The following CSMD3 variants were observed in gnomAD, a reference collection of about 807,000 sequenced individuals.
The protein encoded by CSMD3 is CUB and sushi domain-containing protein 3.
In CSMD3, 177 loss-of-function variants were observed where a neutral mutation model predicts 435.2. That is an observed-to-expected ratio of 0.41 (90% CI 0.36 to 0.46). The LOEUF is 0.46. Ranked by LOEUF, CSMD3 falls within the 20% of genes least tolerant of loss-of-function variation. CSMD3 has a pLI of 0.34. For synonymous variants in CSMD3, 1,656 were observed against 1,520.5 expected, an observed-to-expected ratio of 1.09 and a Z score of -2.07; for missense variants, 4,265 against 4,504.6, an observed-to-expected ratio of 0.95 and a Z score of 1.52.
At chr8:113,396,951 G>A (rs2094486266) in intron 1 of CSMD3, among the ~76,000 whole-genome samples, 1 of 152,038 alleles carries the variant, frequency 6.6e-6, no homozygotes, top group South Asian at 2.1e-4. Context: ...ACATAGAACA[G>A]TACCTGACAC....
At chr8:112,274,447 G>C (rs1817837265) in intron 59 of CSMD3, among the ~76,000 whole-genome samples, 2 of 152,104 alleles carry the variant, frequency 1.3e-5, no homozygotes, top group South Asian at 4.1e-4. Context: ...AACTATGCAG[G>C]TAGAGTTTAT....
Position 112,689,152 on chromosome 8 carries a change from T to C in CSMD3, c.2155+716A>G, listed in dbSNP as rs374027058. On this transcript the variant is annotated intron_variant, in intron 14 of 70. Transcript: ENST00000297405. ...GACTGTGAAGGGGACGTATGCACTTTTCCTCTTCTAGACTTCCTGAAGAGC... is the reference window on the plus strand; with the variant it reads ...GACTGTGAAGGGGACGTATGCACTTCTCCTCTTCTAGACTTCCTGAAGAGC... Among the ~76,000 whole-genome samples the C allele has an allele frequency of 7.2e-5, 11 of 152,188 alleles. No homozygotes were observed. The East Asian group carries it at 2.1e-3, about 29-fold the overall frequency.
rs552730198 is a variant in CSMD3, at chr8:112,394,473, G to A, written c.5810-3685C>T. On this transcript the variant is annotated intron_variant, in intron 35 of 70. Transcript: ENST00000297405. Reference sequence around the variant, plus strand: ...GTTAGGAAAATTTCAAACTCACCGTGGTCTTCAAGGATCCATGTGACTTGG... The same window carrying A: ...GTTAGGAAAATTTCAAACTCACCGTAGTCTTCAAGGATCCATGTGACTTGG... 1.2e-4 allele frequency among the ~76,000 whole-genome samples: 19 copies of A among 152,166 alleles called. No individual in the cohort carries two copies. The South Asian group carries it at 3.7e-3, about 30-fold the overall frequency.
Position 113,196,214 on chromosome 8 carries a change from CA to C in CSMD3, c.515-22299del, listed in dbSNP as rs1258440404. On this transcript the variant is annotated intron_variant, in intron 3 of 70. Transcript: ENST00000297405. ...TTTTCTTTTTATAGAGTCATGGGGC[CA>C]CAAGAAAAAGAAAAAAAGTCATTCT... 2.7e-5 allele frequency among the ~76,000 whole-genome samples: 4 copies of C among 150,172 alleles called. No individual in the cohort carries two copies. In the East Asian group the frequency reaches 7.8e-4, roughly 29 times the overall value.
intron 22 of CSMD3, among the ~76,000 whole-genome samples, chr8:112,607,957 C>T (rs529087592): frequency 3.6e-4 from 55 of 152,080 alleles, no homozygotes; most frequent in African/African-American, 1.3e-3. Flanking sequence ...CTAGCCAGAG[C>T]AACTAGGAAA....
chr8:113,042,342 C>G (rs576703434), intron 5 of CSMD3, among the ~76,000 whole-genome samples: 4 of 152,212 alleles, frequency 2.6e-5, no homozygotes, highest in South Asian at 2.1e-4. Flanking sequence ...ACCAGATAGA[C>G]AGCAAAAGTA....
At chr8:113,051,557 T>C (rs1304450723) in intron 5 of CSMD3, among the ~76,000 whole-genome samples, 1 of 152,162 alleles carries the variant, frequency 6.6e-6, no homozygotes, top group Non-Finnish European at 1.5e-5. Flanking sequence ...CACTAAAGGA[T>C]TACACTTAGA....
chr8:112,833,300 C>T (rs1185290473), intron 11 of CSMD3, among the ~76,000 whole-genome samples: 1 of 151,914 alleles, frequency 6.6e-6, no homozygotes, highest in Non-Finnish European at 1.5e-5. Context: ...CTTCTCTCTT[C>T]ATTTATTTGG....
At chr8:112,840,307 A>G (rs1177794250) in intron 11 of CSMD3, among the ~76,000 whole-genome samples, 2 of 151,750 alleles carry the variant, frequency 1.3e-5, no homozygotes, top group African/African-American at 4.8e-5. Context: ...AACAATATTA[A>G]TTCTTCCATT....
chr8:113,073,171 A>G (rs1229504326), intron 5 of CSMD3, among the ~76,000 whole-genome samples: 1 of 151,870 alleles, frequency 6.6e-6, no homozygotes. Context: ...ATACTATTTG[A>G]GATTCAACAT....
intron 6 of CSMD3, among the ~76,000 whole-genome samples, chr8:112,998,490 C>T (rs2085739078): frequency 6.6e-6 from 1 of 151,960 alleles, no homozygotes; most frequent in Admixed American, 6.6e-5. Flanking sequence ...CCTGACTCTA[C>T]ATTTCCCTTC....
At chr8:113,195,791 T>A (rs886799766) in intron 3 of CSMD3, among the ~76,000 whole-genome samples, 6 of 126,044 alleles carry the variant, frequency 4.8e-5, no homozygotes, top group African/African-American at 9.3e-5. Context: ...ATCCTATATT[T>A]TATATATATA....
chr8:113,412,616 A>T (rs1476125857), intron 1 of CSMD3, among the ~76,000 whole-genome samples: 1 of 152,108 alleles, frequency 6.6e-6, no homozygotes, highest in Non-Finnish European at 1.5e-5. Context: ...TATTCTTTCT[A>T]ATAGAAGGCT....
In CSMD3 at chr8:112,656,030, T is replaced by C. The variant is rs2075248918; in HGVS notation, c.3004+124A>G. On this transcript the variant is annotated intron_variant, in intron 18 of 70. Transcript: ENST00000297405. The stretch of plus-strand genomic sequence containing the variant: ...CACACCTTATAAAGCATTAACATTC[T>C]TATAGATGAAGGAAAGCTTTGATTT... 1.9e-5 allele frequency: 12 copies of C among 629,406 alleles called. No homozygotes were observed. The South Asian group carries it at 2.2e-4, about 12-fold the overall frequency. The allele number at this position is 629,406 out of a possible 1,614,324, so 39.0% of individuals were successfully genotyped here.
Position 113,008,916 on chromosome 8 carries a change from T to G in CSMD3, c.1030+10151A>C, listed in dbSNP as rs142646851. 6.6e-3 allele frequency among the ~76,000 whole-genome samples: 1,000 copies of G among 151,504 alleles called. 11 individuals are homozygous for G. Among genetic ancestry groups the G allele is most frequent in the African/African-American group, 0.023 (958 of 41,452 alleles). On this transcript the variant is annotated intron_variant, in intron 6 of 70. Coordinates refer to ENST00000297405, the MANE Select transcript of CSMD3 (RefSeq NM_198123.2). ...AAAAATCAATGTTCAATATGAGATG[T>G]GCTATAAGTATAATGCCCTATAATT...
At chr8:113,240,224 A>C (rs2132238421) in intron 3 of CSMD3, among the ~76,000 whole-genome samples, 1 of 152,252 alleles carries the variant, frequency 6.6e-6, no homozygotes, top group South Asian at 2.1e-4. Context: ...TCCATGGTGT[A>C]CATGTACCAC....
chr8:113,064,651 C>T (rs1222966630), intron 5 of CSMD3, among the ~76,000 whole-genome samples: 1 of 152,086 alleles, frequency 6.6e-6, no homozygotes, highest in Non-Finnish European at 1.5e-5. Flanking sequence ...GAGCTATAGC[C>T]AACAGGTAGC....
intron 13 of CSMD3, among the ~76,000 whole-genome samples, chr8:112,763,077 G>A (rs1019971200): frequency 1.3e-5 from 2 of 151,676 alleles, no homozygotes; most frequent in African/African-American, 4.8e-5. Flanking sequence ...ATAACATTGT[G>A]AGGTAACATA....
chr8:113,351,902 AAG>A (rs1230806732), intron 1 of CSMD3, among the ~76,000 whole-genome samples: 1 of 152,170 alleles, frequency 6.6e-6, no homozygotes, highest in East Asian at 1.9e-4. Flanking sequence ...TCTTTCAGAA[AAG>A]AGAGTTACCA....
Sources: gnomAD v4.1 joint callset for allele counts (sites outside exome capture counted in the v4.1 genomes callset) on GRCh38, gnomAD v4.1.1 for gene constraint, MANE v1.5 for transcripts, NCBI Gene and HGNC (gene_info 2026-07-23, HGNC 2026-07-21) for gene names.